The following LINGO2 variants were observed in gnomAD, a reference collection of about 807,000 sequenced individuals.
The protein encoded by LINGO2 is leucine rich repeat and Ig domain containing 2, also known as leucine-rich repeat and immunoglobulin-like domain-containing nogo receptor-interacting protein 2.
Under a neutral mutation model 30.6 loss-of-function variants are expected in LINGO2, and 14 were observed. The observed-to-expected ratio is 0.46, with a 90% CI of 0.30 to 0.72. LINGO2 has a LOEUF of 0.72. Among genes scored for constraint, LINGO2 ranks in the 30% least tolerant of loss-of-function variants. LINGO2 has a pLI of 0.07. For synonymous variants in LINGO2, 317 were observed against 288.5 expected, an observed-to-expected ratio of 1.10 and a Z score of -1.00; for missense variants, 729 against 751.7, an observed-to-expected ratio of 0.97 and a Z score of 0.35.
chr9:28,096,886 A>T (rs982116135), intron 4 of LINGO2, among the ~76,000 whole-genome samples: 1 of 152,200 alleles, frequency 6.6e-6, no homozygotes, highest in Non-Finnish European at 1.5e-5. Context: ...AAATGTTTTC[A>T]TGCTTAACTT....
chr9:28,364,975 T>C (rs904366851), intron 3 of LINGO2, among the ~76,000 whole-genome samples: 22 of 152,200 alleles, frequency 1.4e-4, no homozygotes, highest in African/African-American at 5.1e-4. Context: ...AAGAATAGGA[T>C]GCTTTTATTT....
chr9:28,026,675 G>GTT (rs1297946406), intron 4 of LINGO2, among the ~76,000 whole-genome samples: 1 of 152,098 alleles, frequency 6.6e-6, no homozygotes, highest in African/African-American at 2.4e-5. Flanking sequence ...ACATCTTACT[G>GTT]TTTCTTATTT....
At chr9:28,030,135 C>A (rs771116425) in intron 4 of LINGO2, among the ~76,000 whole-genome samples, 1 of 151,998 alleles carries the variant, frequency 6.6e-6, no homozygotes, top group Non-Finnish European at 1.5e-5. Context: ...TCAGGTAAAG[C>A]CAAAAATTAT....
the LINGO2 span, among the ~76,000 whole-genome samples, chr9:29,130,297 A>G: frequency 6.6e-6 from 1 of 152,120 alleles, no homozygotes; most frequent in Non-Finnish European, 1.5e-5. Context: ...CTTAAAGAAA[A>G]TAATTCCCTG....
chr9:28,512,438 T>C (rs1314474985), intron 1 of LINGO2, among the ~76,000 whole-genome samples: 1 of 151,522 alleles, frequency 6.6e-6, no homozygotes, highest in Non-Finnish European at 1.5e-5. Context: ...TCAAGCACCA[T>C]TGGATCTGCT....
At chr9:27,980,479 G>A (rs1303707198) in intron 5 of LINGO2, among the ~76,000 whole-genome samples, 1 of 151,904 alleles carries the variant, frequency 6.6e-6, no homozygotes, top group Non-Finnish European at 1.5e-5. Context: ...CCAAGTTCAG[G>A]AGGCAGAATA....
At chr9:28,553,057 T>A (rs1220736337) in intron 1 of LINGO2, among the ~76,000 whole-genome samples, 2 of 151,980 alleles carry the variant, frequency 1.3e-5, no homozygotes, top group African/African-American at 4.8e-5. Flanking sequence ...AAATATCTAA[T>A]AATCCTTGGG....
At chr9:29,079,899 G>A in the LINGO2 span, among the ~76,000 whole-genome samples, 1 of 151,976 alleles carries the variant, frequency 6.6e-6, no homozygotes, top group Non-Finnish European at 1.5e-5. Context: ...TTATTTCTAT[G>A]TGACAACCAT....
chr9:28,270,578 C>T (rs552631956), intron 4 of LINGO2, among the ~76,000 whole-genome samples: 1 of 152,212 alleles, frequency 6.6e-6, no homozygotes, highest in East Asian at 1.9e-4. Flanking sequence ...CCAGCCACCT[C>T]CCTTATGTGC....
chr9:28,261,883 G>T (rs903264071), intron 4 of LINGO2, among the ~76,000 whole-genome samples: 2 of 151,998 alleles, frequency 1.3e-5, no homozygotes, highest in Admixed American at 1.3e-4. Context: ...GTGTTAAAAG[G>T]TCATAAATTA....
At chr9:27,945,148 C>T (rs1431396137), downstream of LINGO2, among the ~76,000 whole-genome samples, 1 of 152,062 alleles carries the variant, frequency 6.6e-6, no homozygotes, top group Non-Finnish European at 1.5e-5. Flanking sequence ...AATGTCTTGA[C>T]ACAGAGATGA....
the LINGO2 span, among the ~76,000 whole-genome samples, chr9:29,097,500 AGATATT>A: frequency 7.2e-6 from 1 of 138,764 alleles, no homozygotes; most frequent in African/African-American, 2.7e-5. Context: ...TCTATGCTAT[AGATATT>A]AACAAAATGC....
chr9:28,841,346 G>A, the LINGO2 span, among the ~76,000 whole-genome samples: 3 of 151,708 alleles, frequency 2.0e-5, no homozygotes, highest in Non-Finnish European at 4.4e-5. Context: ...TTAACAGTGT[G>A]TCACCTTAAT....
At chr9:29,063,937 A>T in the LINGO2 span, among the ~76,000 whole-genome samples, 1 of 152,200 alleles carries the variant, frequency 6.6e-6, no homozygotes, top group African/African-American at 2.4e-5. Flanking sequence ...AACACCTGGC[A>T]CAATGATTGG....
At chr9:28,638,031 A>AG (rs1234265966) in intron 1 of LINGO2, among the ~76,000 whole-genome samples, 6 of 152,108 alleles carry the variant, frequency 3.9e-5, no homozygotes, top group African/African-American at 1.2e-4. Flanking sequence ...TTTAGCATGA[A>AG]GGTTGTTGAA....
chr9:29,026,617 G>A, the LINGO2 span, among the ~76,000 whole-genome samples: 64 of 151,798 alleles, frequency 4.2e-4, no homozygotes, highest in Non-Finnish European at 7.1e-4. Context: ...CAGAAATAGC[G>A]GAAGAAAATA....
intron 2 of LINGO2, among the ~76,000 whole-genome samples, chr9:28,397,997 G>A (rs1321084689): frequency 1.3e-5 from 2 of 152,172 alleles, no homozygotes; most frequent in African/African-American, 4.8e-5. Context: ...TTTACGTTCA[G>A]TAGCAAAAGT....
chr9:28,817,607 T>G, the LINGO2 span, among the ~76,000 whole-genome samples: 66 of 152,290 alleles, frequency 4.3e-4, 1 homozygote, highest in African/African-American at 1.5e-3. Flanking sequence ...AAATACAGCT[T>G]GAAAAGTCTC....
intron 5 of LINGO2, among the ~76,000 whole-genome samples, chr9:28,011,112 G>A (rs770032830): frequency 6.6e-5 from 10 of 152,194 alleles, no homozygotes; most frequent in Non-Finnish European, 1.3e-4. Context: ...AACTGGTCTA[G>A]GGAAAGGGGA....
Sources: allele counts gnomAD v4.1 joint callset (sites outside exome capture counted in the v4.1 genomes callset), GRCh38; gene constraint gnomAD v4.1.1; transcripts MANE v1.5; gene names NCBI Gene and HGNC (gene_info 2026-07-23, HGNC 2026-07-21).